The following ANKRD44 variants were observed in gnomAD, a reference collection of about 807,000 sequenced individuals.
The protein encoded by ANKRD44 is ankyrin repeat domain 44.
ANKRD44 carries 35 observed loss-of-function variants against 116.0 expected under a neutral mutation model. The observed-to-expected ratio is 0.30, with a 90% CI of 0.23 to 0.40. The LOEUF is 0.40. ANKRD44 is among the 10% of genes least tolerant of loss of function. The probability of loss-of-function intolerance (pLI) is 1.00; values close to 1 mark genes in which losing one functional copy is unlikely to be tolerated. For synonymous variants in ANKRD44, 435 were observed against 461.8 expected, an observed-to-expected ratio of 0.94 and a Z score of 0.74; for missense variants, 1,014 against 1,242.6, an observed-to-expected ratio of 0.82 and a Z score of 2.77.
intron 21 of ANKRD44, among the ~76,000 whole-genome samples, chr2:196,981,471 G>A (rs2075800610): frequency 6.6e-6 from 1 of 152,098 alleles, no homozygotes; most frequent in Non-Finnish European, 1.5e-5. Flanking sequence ...ACCCTCCTCT[G>A]TTACTCTAAA....
chr2:197,062,826 C>T (rs990154644), intron 16 of ANKRD44, among the ~76,000 whole-genome samples: 1 of 152,230 alleles, frequency 6.6e-6, no homozygotes, highest in Admixed American at 6.5e-5. Flanking sequence ...CCAGGAAGCT[C>T]GAACTGGGTG....
intron 2 of ANKRD44, among the ~76,000 whole-genome samples, chr2:197,173,926 G>C (rs59405902): frequency 3.3e-5 from 5 of 151,938 alleles, no homozygotes; most frequent in Non-Finnish European, 4.4e-5. Context: ...TCAGCTACTC[G>C]GGAGGCTGAG....
intron 1 of ANKRD44, among the ~76,000 whole-genome samples, chr2:197,269,287 G>A (rs1193652155): frequency 6.8e-6 from 1 of 147,978 alleles, no homozygotes; most frequent in African/African-American, 2.4e-5. Flanking sequence ...TTTGAATATG[G>A]AGATAGGAGC....
At chr2:197,248,952 G>A (rs2082257661) in intron 1 of ANKRD44, among the ~76,000 whole-genome samples, 1 of 152,274 alleles carries the variant, frequency 6.6e-6, no homozygotes, top group East Asian at 1.9e-4. Context: ...AGAAAAGTGT[G>A]GTATACAGCT....
chr2:197,178,298 T>G (rs977662112), intron 2 of ANKRD44, among the ~76,000 whole-genome samples: 5 of 149,164 alleles, frequency 3.4e-5, no homozygotes, highest in African/African-American at 4.9e-5. Flanking sequence ...CAGCGAGAAC[T>G]TGTCTCTACA....
intron 1 of ANKRD44, among the ~76,000 whole-genome samples, chr2:197,292,331 C>T (rs778214978): frequency 6.6e-6 from 1 of 152,202 alleles, no homozygotes; most frequent in African/African-American, 2.4e-5. Flanking sequence ...TCCTCTCCAG[C>T]ACCTGCGGTT....
At chr2:197,264,806 G>A (rs1559199458) in intron 1 of ANKRD44, among the ~76,000 whole-genome samples, 1 of 152,110 alleles carries the variant, frequency 6.6e-6, no homozygotes, top group South Asian at 2.1e-4. Flanking sequence ...CATTTCCCAA[G>A]TTCAAGAAAT....
intron 9 of ANKRD44, 88 bp downstream of exon 9, chr2:197,110,678 G>T: frequency 9.5e-7 from 1 of 1,054,326 alleles, no homozygotes; most frequent in Non-Finnish European, 1.5e-6. Flanking sequence ...CCAAAACAGG[G>T]CATCGACTTT....
In ANKRD44 at chr2:197,172,443, C is replaced by G. The variant is rs549358024; in HGVS notation, c.111+14580G>C. On this transcript the variant is annotated intron_variant, in intron 2 of 27. Coordinates refer to ENST00000282272, the MANE Select transcript of ANKRD44 (RefSeq NM_001195144.2). ...GTAGGAGTCTAGTGCTGTAAGAGCC[C>G]TGGCTACACCAGGAACGTGCAGTGA... Among the ~76,000 whole-genome samples, 3 of 152,220 alleles carry G rather than the reference C, an allele frequency of 2.0e-5. No homozygotes were observed. In the East Asian group the frequency reaches 5.8e-4, roughly 29 times the overall value.
chr2:197,200,495 C>T (rs1457945388), intron 1 of ANKRD44, among the ~76,000 whole-genome samples: 1 of 152,150 alleles, frequency 6.6e-6, no homozygotes, highest in African/African-American at 2.4e-5. Flanking sequence ...CACCACTCGC[C>T]AGACTCTGCT....
chr2:197,060,247 T>C (rs1020578616), intron 16 of ANKRD44, among the ~76,000 whole-genome samples: 4 of 152,158 alleles, frequency 2.6e-5, no homozygotes, highest in Admixed American at 6.5e-5. Flanking sequence ...TCTTTTTAGA[T>C]CTGGCACATA....
At chr2:196,990,967 G>C (rs1169883458) in intron 27 of ANKRD44, 2 of 1,230,948 alleles carry the variant, frequency 1.6e-6, no homozygotes, top group Non-Finnish European at 2.0e-6. Flanking sequence ...TAGTCCTGGG[G>C]AGCCTAGAGG....
At chr2:197,112,345 AT>A (rs1029990860) in intron 8 of ANKRD44, among the ~76,000 whole-genome samples, 1 of 152,316 alleles carries the variant, frequency 6.6e-6, no homozygotes, top group African/African-American at 2.4e-5. Context: ...ACAAATAATA[AT>A]TTAGGTAAGT....
intron 16 of ANKRD44, among the ~76,000 whole-genome samples, chr2:197,077,454 A>AT (rs1264364628): frequency 6.6e-6 from 1 of 151,994 alleles, no homozygotes; most frequent in Non-Finnish European, 1.5e-5. Context: ...CAAAGGCCTG[A>AT]TTTGTGGTTC....
At chr2:197,062,648 C>T (rs4850755) in intron 16 of ANKRD44, among the ~76,000 whole-genome samples, 109,589 of 152,114 alleles carry the variant, frequency 0.72, 40,886 homozygotes, top group East Asian at 0.86. Flanking sequence ...ACAGTCTTAG[C>T]AAATGGCACA....
chr2:197,055,015 C>A (rs1369365308), intron 16 of ANKRD44, among the ~76,000 whole-genome samples: 1 of 152,158 alleles, frequency 6.6e-6, no homozygotes, highest in Non-Finnish European at 1.5e-5. Flanking sequence ...ATTTCTCATT[C>A]TCTAAAGCCC....
intron 4 of ANKRD44, chr2:197,135,613 T>C (rs2079196988): frequency 6.6e-6 from 1 of 152,200 alleles, no homozygotes; most frequent in South Asian, 2.1e-4. Flanking sequence ...CAACAACAAA[T>C]TATTTCTTGG....
intron 1 of ANKRD44, among the ~76,000 whole-genome samples, chr2:197,250,193 A>G (rs535112644): frequency 2.6e-5 from 4 of 152,280 alleles, no homozygotes; most frequent in South Asian, 4.1e-4. Context: ...TCGCTCTGCC[A>G]GCCTTGGTTG....
Position 197,089,697 on chromosome 2 carries a change from G to A in ANKRD44, c.1183+253C>T, listed in dbSNP as rs1458435974. Among the ~76,000 whole-genome samples, 3 of 152,116 alleles carry A rather than the reference G, an allele frequency of 2.0e-5. No homozygotes were observed. The South Asian group carries it at 6.2e-4, about 32-fold the overall frequency. On this transcript the variant is annotated intron_variant, in intron 11 of 27. Transcript: ENST00000282272. Reference sequence around the variant, plus strand: ...GGCCATCCCTGCCATGTTTCACCCTGGAACACCCAAGCTTTTACTTGAAAA... The same window carrying A: ...GGCCATCCCTGCCATGTTTCACCCTAGAACACCCAAGCTTTTACTTGAAAA...
Sources: allele counts gnomAD v4.1 joint callset (sites outside exome capture counted in the v4.1 genomes callset), GRCh38; gene constraint gnomAD v4.1.1; transcripts MANE v1.5; gene names NCBI Gene and HGNC (gene_info 2026-07-23, HGNC 2026-07-21).